The following CTSS variants were observed in gnomAD, a reference collection of about 807,000 sequenced individuals.
CTSS encodes the protein cathepsin S.
CTSS carries 15 observed loss-of-function variants against 39.9 expected under a neutral mutation model. The observed-to-expected ratio is 0.38, with a 90% CI of 0.25 to 0.58. The LOEUF (loss-of-function observed/expected upper bound fraction) is 0.58. Among genes scored for constraint, CTSS ranks in the 20% least tolerant of loss-of-function variants. The pLI, the probability that CTSS is intolerant of heterozygous loss-of-function variation, is 0.70. For synonymous variants in CTSS, 126 were observed against 138.2 expected, an observed-to-expected ratio of 0.91 and a Z score of 0.62; for missense variants, 250 against 398.2, an observed-to-expected ratio of 0.63 and a Z score of 3.17.
At position 150,751,724 on chromosome 1, in the gene CTSS, C is replaced by T. The variant is rs1160713713; in HGVS notation, c.627+57G>A. On this transcript the variant is annotated intron_variant, in intron 5 of 7. Coordinates refer to ENST00000368985, the MANE Select transcript of CTSS (RefSeq NM_004079.5). ...GGCATGGTGGCAAGCCCAGCACAGT[C>T]AGTCAGTGGATAACATGAGATCATG... The T allele has an allele frequency of 8.7e-6, 13 of 1,490,858 alleles. No individual in the cohort carries two copies. The African/African-American group carries it at 1.4e-4, about 16-fold the overall frequency. 92.4% of individuals were successfully genotyped at this position (1,490,858 alleles called of 1,614,324 possible).
chr1:150,761,110 C>T (rs587663907), intron 2 of CTSS, among the ~76,000 whole-genome samples: 5 of 142,282 alleles, frequency 3.5e-5, no homozygotes, highest in South Asian at 2.3e-4. Flanking sequence ...ACCTGGGAGG[C>T]GGAGGTTGCA....
chr1:150,752,867 G>A (rs1209042439), intron 4 of CTSS, among the ~76,000 whole-genome samples: 1 of 151,962 alleles, frequency 6.6e-6, no homozygotes, highest in Non-Finnish European at 1.5e-5. Context: ...TTGTTTGTTT[G>A]TTTTGAGACA....
chr1:150,733,057 G>A lies in CTSS; in HGVS notation c.985C>T (p.Pro329Ser). Residue 329 changes from proline to serine, a missense_variant, in exon 8 of 8, where the codon CCA becomes TCA. Coordinates refer to ENST00000368985, the MANE Select transcript of CTSS (RefSeq NM_004079.5). Reference sequence around the variant, plus strand: ...AAAGGAGAGATCCTCTAGATTTCTGGGTAAGAGGGAAAGCTAGCAATCCCA... The same window carrying A: ...AAAGGAGAGATCCTCTAGATTTCTGAGTAAGAGGGAAAGCTAGCAATCCCA... ...HCGIASFPSY[P>S]EI The A allele has an allele frequency of 6.2e-7, 1 of 1,609,534 alleles. No individual in the cohort carries two copies. The highest frequency in any genetic ancestry group is 8.5e-7 in the Non-Finnish European group (1 of 1,176,290).
chr1:150,764,555 C>T, intron 2 of CTSS, 83 bp downstream of exon 2: 6 of 1,563,726 alleles, frequency 3.8e-6, no homozygotes, highest in Non-Finnish European at 5.3e-6. Flanking sequence ...TTACTGAAAA[C>T]ACTGCCTGTA....
intron 7 of CTSS, among the ~76,000 whole-genome samples, chr1:150,734,380 C>T (rs1394596860): frequency 6.6e-6 from 1 of 151,908 alleles, no homozygotes; most frequent in Non-Finnish European, 1.5e-5. Context: ...GTGGCTCAAG[C>T]CTGTAATCCC....
rs1411376470 is a variant in CTSS, at chr1:150,730,219, T to C, written c.*2827A>G. ...GAAAAGCATGCACATTTATTTAATA[T>C]AAGTTTTACACGACACGAGGGGCTC... On this transcript the variant is annotated 3_prime_UTR_variant, in exon 8 of 8. Transcript: ENST00000368985. The C allele has an allele frequency of 1.3e-5, 2 of 152,068 alleles. No homozygotes were observed. The highest frequency in any genetic ancestry group is 2.9e-5 in the Non-Finnish European group (2 of 68,016). 9.4% of individuals were successfully genotyped at this position (152,068 alleles called of 1,614,324 possible). A position where few individuals can be genotyped will look rare whatever the true frequency, so the allele number is the denominator to read the frequency against.
intron 7 of CTSS, among the ~76,000 whole-genome samples, chr1:150,747,573 C>T (rs1383090070): frequency 1.3e-5 from 2 of 151,918 alleles, no homozygotes; most frequent in South Asian, 2.1e-4. Flanking sequence ...AGAAGATAAA[C>T]CAGGAAAACA....
At chr1:150,756,409 CAT>C (rs1653128161) in intron 3 of CTSS, among the ~76,000 whole-genome samples, 1 of 152,210 alleles carries the variant, frequency 6.6e-6, no homozygotes, top group African/African-American at 2.4e-5. Flanking sequence ...AAACCAGTAA[CAT>C]AGTCATTTAT....
chr1:150,733,278 G>A, intron 7 of CTSS, 133 bp from the exon 8 acceptor site: 1 of 622,964 alleles, frequency 1.6e-6, no homozygotes, highest in Non-Finnish European at 2.7e-6. Flanking sequence ...AATGAAATAA[G>A]GTAATAATTT....
Position 150,747,870 on chromosome 1 carries a change from T to C in CTSS, c.803A>G (p.Tyr268Cys), listed in dbSNP as rs879811377. The C allele has an allele frequency of 3.1e-6, 5 of 1,610,330 alleles. No individual in the cohort carries two copies. The highest frequency in any genetic ancestry group is 3.4e-6 in the Non-Finnish European group (4 of 1,176,820). The change falls in exon 7 of 8, where the codon TAT (tyrosine) becomes TGT (cysteine). Residue 268 changes from tyrosine to cysteine, a missense_variant. Physicochemically the swap from Tyr to Cys is radical, Grantham distance 194 (BLOSUM62 -2). Coordinates refer to ENST00000368985, the MANE Select transcript of CTSS (RefSeq NM_004079.5). ...SFFLYRSGVYYEPSCTQNVNH... is the reference protein window; with the variant it reads ...SFFLYRSGVYCEPSCTQNVNH... ...CACATTCTGAGTACAGGATGGTTCA[T>C]AGTAGACACCTGAGAATCAAATATG...
At chr1:150,741,392 C>T (rs1652753616) in intron 7 of CTSS, among the ~76,000 whole-genome samples, 1 of 152,030 alleles carries the variant, frequency 6.6e-6, no homozygotes, top group Non-Finnish European at 1.5e-5. Context: ...TAATAATAGT[C>T]TGAATAAATC....
chr1:150,746,520 T>C (rs760083779), intron 7 of CTSS, among the ~76,000 whole-genome samples: 4 of 152,072 alleles, frequency 2.6e-5, no homozygotes, highest in Non-Finnish European at 4.4e-5. Context: ...CAGGTAAATA[T>C]ACAATTTAAA....
At chr1:150,765,245 C>A (rs997223718) in intron 1 of CTSS, among the ~76,000 whole-genome samples, 3 of 151,290 alleles carry the variant, frequency 2.0e-5, no homozygotes, top group South Asian at 4.2e-4. Flanking sequence ...CAATTCTCAT[C>A]TATTGCTTTC....
rs1262275288 is a variant in CTSS at position 150,730,846 on chromosome 1, ACT to A, written c.*2198_*2199del. The A allele has an allele frequency of 4.6e-5, 7 of 151,988 alleles. No homozygotes were observed. The highest frequency in any genetic ancestry group is 1.4e-4 in the African/African-American group (6 of 41,530). The allele number at this position is 151,988 out of a possible 1,614,324, so 9.4% of individuals were successfully genotyped here. A position where few individuals can be genotyped will look rare whatever the true frequency, so the allele number is the denominator to read the frequency against. On this transcript the variant is annotated 3_prime_UTR_variant, in exon 8 of 8. Coordinates refer to ENST00000368985, the MANE Select transcript of CTSS (RefSeq NM_004079.5). The stretch of plus-strand genomic sequence containing the variant: ...TATTTCAAATTTAGGATAGCTATTA[ACT>A]CTTATTTAATGCATTTATAAAGAAG...
At chr1:150,762,067 C>A (rs1029056250) in intron 2 of CTSS, among the ~76,000 whole-genome samples, 2 of 152,076 alleles carry the variant, frequency 1.3e-5, no homozygotes, top group African/African-American at 4.8e-5. Flanking sequence ...ATAGTACTGG[C>A]ATAGAAACAG....
chr1:150,763,344 A>G (rs961844064), intron 2 of CTSS, among the ~76,000 whole-genome samples: 2 of 152,120 alleles, frequency 1.3e-5, no homozygotes, highest in African/African-American at 2.4e-5. Context: ...TTCATTTGAC[A>G]AGAAGACTAC....
Position 150,732,849 on chromosome 1 carries a change from A to G in CTSS, c.*197T>C, listed in dbSNP as rs1429732650. ...CTCTTTAACTCCTGGCCTCAAGTTG[A>G]TATGCCTGCCTTGGCCTCCCAAGTA... On this transcript the variant is annotated 3_prime_UTR_variant, in exon 8 of 8. Coordinates refer to ENST00000368985, the MANE Select transcript of CTSS (RefSeq NM_004079.5). 2.6e-6 allele frequency: 1 copy of G among 391,624 alleles called. No homozygotes were observed. Among genetic ancestry groups the G allele is most frequent in the African/African-American group, 2.1e-5 (1 of 47,858 alleles). The allele number at this position is 391,624 out of a possible 1,614,324, so 24.3% of individuals were successfully genotyped here.
intron 7 of CTSS, among the ~76,000 whole-genome samples, chr1:150,734,882 C>T (rs1652602263): frequency 6.6e-6 from 1 of 152,110 alleles, no homozygotes; most frequent in African/African-American, 2.4e-5. Context: ...ATTTCTGAAG[C>T]TCTTTATCAT....
Position 150,757,926 on chromosome 1 carries a change from G to C in CTSS, c.181C>G (p.Leu61Val). ...CCCATTGAATGCTCCAGGTTGTGAA[G>C]CATCACAAACTTTAGATTCTTTTCC... ...IWEKNLKFVM[L>V]HNLEHSMGMH... The change falls in exon 3 of 8, where the codon CTT becomes GTT. Residue 61 changes from leucine to valine, a missense_variant. Leu to Val is a conservative substitution (Grantham distance 32). Coordinates refer to ENST00000368985, the MANE Select transcript of CTSS (RefSeq NM_004079.5). 1 of 1,613,884 alleles carries C rather than the reference G, an allele frequency of 6.2e-7. No individual in the cohort carries two copies. The highest frequency in any genetic ancestry group is 8.5e-7 in the Non-Finnish European group (1 of 1,179,844).
Sources: allele counts gnomAD v4.1 joint callset (sites outside exome capture counted in the v4.1 genomes callset), GRCh38; gene constraint gnomAD v4.1.1; transcripts MANE v1.5; gene names NCBI Gene and HGNC (gene_info 2026-07-23, HGNC 2026-07-21).